GARIN2: variants seen among roughly 807,000 people sequenced by gnomAD.
GARIN2 encodes golgi associated RAB2 interactor family member 2.
the GARIN2 span, among the ~76,000 whole-genome samples, chr14:67,203,958 C>A: frequency 6.6e-6 from 1 of 152,144 alleles, no homozygotes; most frequent in African/African-American, 2.4e-5. Context: ...GTGATCCACC[C>A]GCCTTGGCCT....
chr14:67,210,902 G>A, the GARIN2 span, among the ~76,000 whole-genome samples: 1 of 152,024 alleles, frequency 6.6e-6, no homozygotes, highest in Non-Finnish European at 1.5e-5. Context: ...TACTCAGGAG[G>A]CTAAGGTGGA....
chr14:67,203,868 C>T, the GARIN2 span, among the ~76,000 whole-genome samples: 4 of 152,324 alleles, frequency 2.6e-5, no homozygotes, highest in African/African-American at 4.8e-5. Context: ...CACACCACCA[C>T]GCTCAGCTAA....
At chr14:67,198,306 A>C in the GARIN2 span, 2 of 1,613,252 alleles carry the variant, frequency 1.2e-6, no homozygotes, top group Non-Finnish European at 1.7e-6. Flanking sequence ...CATGTTAGAG[A>C]GCAATTTTAT....
At chr14:67,212,682 AAATG>A in the GARIN2 span, among the ~76,000 whole-genome samples, 4 of 134,776 alleles carry the variant, frequency 3.0e-5, no homozygotes, top group Non-Finnish European at 5.0e-5. Context: ...ACATACAAAT[AAATG>A]TATACACAAA....
the GARIN2 span, chr14:67,224,686 C>T: frequency 3.2e-6 from 1 of 313,816 alleles, no homozygotes; most frequent in Non-Finnish European, 6.2e-6. Flanking sequence ...ATATTTTTTC[C>T]AAGATGAAAA....
At chr14:67,220,869 C>T in the GARIN2 span, among the ~76,000 whole-genome samples, 89 of 152,328 alleles carry the variant, frequency 5.8e-4, no homozygotes, top group Admixed American at 3.8e-3. Flanking sequence ...CATTGTAGAA[C>T]TTGAACTGGG....
chr14:67,208,920 A>G, the GARIN2 span, among the ~76,000 whole-genome samples: 13 of 151,950 alleles, frequency 8.6e-5, no homozygotes, highest in African/African-American at 2.9e-4. Flanking sequence ...GAAAAGAAAA[A>G]AAAAAGAAGC....
the GARIN2 span, among the ~76,000 whole-genome samples, chr14:67,212,987 C>T: frequency 2.0e-5 from 3 of 151,706 alleles, no homozygotes; most frequent in African/African-American, 4.8e-5. Flanking sequence ...AAAATGAGGA[C>T]GCTGGACCAG....
chr14:67,214,904 AG>A, the GARIN2 span, among the ~76,000 whole-genome samples: 1 of 152,046 alleles, frequency 6.6e-6, no homozygotes. Context: ...TTGGATTCCT[AG>A]GTATTTTATT....
At chr14:67,201,312 T>A in the GARIN2 span, 3 of 350,598 alleles carry the variant, frequency 8.6e-6, no homozygotes, top group East Asian at 2.4e-4. Flanking sequence ...AACAAATAAA[T>A]ATTTTTAAAA....
the GARIN2 span, among the ~76,000 whole-genome samples, chr14:67,227,163 T>TG: frequency 6.6e-6 from 1 of 152,072 alleles, no homozygotes; most frequent in Admixed American, 6.6e-5. Flanking sequence ...TGCTCCCAGC[T>TG]GGGCGTGGTG....
chr14:67,224,751 T>A, the GARIN2 span: 1 of 259,662 alleles, frequency 3.9e-6, no homozygotes, highest in South Asian at 3.8e-5. Context: ...ACATAAAATA[T>A]TGGGAGTTTC....
the GARIN2 span, chr14:67,201,692 T>C: frequency 3.0e-5 from 11 of 363,832 alleles, no homozygotes; most frequent in South Asian, 2.1e-4. Flanking sequence ...CCCTGAGCCA[T>C]GATATTGGAC....
the GARIN2 span, among the ~76,000 whole-genome samples, chr14:67,214,759 T>C: frequency 6.6e-6 from 1 of 152,196 alleles, no homozygotes; most frequent in Non-Finnish European, 1.5e-5. Flanking sequence ...CCTTGGGCAG[T>C]GTGGCCATTT....
At chr14:67,198,256 T>C in the GARIN2 span, 2 of 1,613,946 alleles carry the variant, frequency 1.2e-6, no homozygotes, top group South Asian at 1.1e-5. Context: ...CTTCAAAATA[T>C]GTTGGATGGA....
chr14:67,220,015 G>T, the GARIN2 span, among the ~76,000 whole-genome samples: 2 of 152,196 alleles, frequency 1.3e-5, no homozygotes, highest in Non-Finnish European at 2.9e-5. Context: ...CACTACTGCT[G>T]TATTGCAGAG....
At chr14:67,197,342 C>T in the GARIN2 span, 2 of 152,166 alleles carry the variant, frequency 1.3e-5, no homozygotes, top group African/African-American at 2.4e-5. Flanking sequence ...AGGACTGTGG[C>T]TCGGCCTGAG....
At chr14:67,199,792 A>AC in the GARIN2 span, 1 of 1,520,404 alleles carries the variant, frequency 6.6e-7, no homozygotes, top group Non-Finnish European at 8.9e-7. Context: ...GCTCCTTCCC[A>AC]CCCCCAGTGC....
chr14:67,191,519 A>G, the GARIN2 span, among the ~76,000 whole-genome samples: 1 of 152,132 alleles, frequency 6.6e-6, no homozygotes, highest in Non-Finnish European at 1.5e-5. Flanking sequence ...CCCCTTCCCA[A>G]TGGCCATGAA....
Sources: allele counts gnomAD v4.1 joint callset (sites outside exome capture counted in the v4.1 genomes callset), GRCh38; gene constraint gnomAD v4.1.1; transcripts MANE v1.5; gene names NCBI Gene and HGNC (gene_info 2026-07-23, HGNC 2026-07-21).